Variants in SLC8A1 observed in about 807,000 individuals in gnomAD.
SLC8A1 encodes solute carrier family 8 member A1.
Under a neutral mutation model 68.3 loss-of-function variants are expected in SLC8A1, and 18 were observed. The observed-to-expected ratio is 0.26, with a 90% CI of 0.18 to 0.39. The LOEUF (loss-of-function observed/expected upper bound fraction) is 0.39, where lower values mean the gene tolerates loss of function less well. Among genes scored for constraint, SLC8A1 ranks in the 10% least tolerant of loss-of-function variants. The probability of loss-of-function intolerance (pLI) is 1.00; values close to 1 mark genes in which losing one functional copy is unlikely to be tolerated. For synonymous variants in SLC8A1, 475 were observed against 415.5 expected (o/e 1.14, Z -1.74); for missense variants, 985 against 1,156.7 (o/e 0.85, Z 2.15).
intron 2 of SLC8A1, among the ~76,000 whole-genome samples, chr2:40,319,859 A>G (rs542529544): frequency 2.0e-5 from 3 of 152,044 alleles, no homozygotes; most frequent in South Asian, 4.2e-4. Flanking sequence ...ATATATCACA[A>G]TTTTGCTCCT....
chr2:40,123,644 G>T (rs576895398), intron 7 of SLC8A1, among the ~76,000 whole-genome samples: 1 of 152,150 alleles, frequency 6.6e-6, no homozygotes, highest in African/African-American at 2.4e-5. Flanking sequence ...TCAAGTTTTT[G>T]ATATTTTCAG....
intron 1 of SLC8A1, among the ~76,000 whole-genome samples, chr2:40,448,423 G>T (rs896459045): frequency 6.6e-6 from 1 of 152,206 alleles, no homozygotes; most frequent in Admixed American, 6.5e-5. Context: ...CACATTCTCA[G>T]AATCTAGTCC....
chr2:40,410,779 C>G (rs1358744436), intron 2 of SLC8A1, among the ~76,000 whole-genome samples: 1 of 152,010 alleles, frequency 6.6e-6, no homozygotes, highest in Non-Finnish European at 1.5e-5. Flanking sequence ...CATTGCATGT[C>G]ATTTTCTTAT....
chr2:40,221,828 G>T (rs1328009759), intron 2 of SLC8A1, among the ~76,000 whole-genome samples: 1 of 152,140 alleles, frequency 6.6e-6, no homozygotes, highest in Non-Finnish European at 1.5e-5. Context: ...GGATGTGAAG[G>T]ACCTCTTCAA....
At chr2:40,475,518 GATTT>G (rs944824205) in intron 1 of SLC8A1, among the ~76,000 whole-genome samples, 5 of 151,740 alleles carry the variant, frequency 3.3e-5, no homozygotes, top group African/African-American at 7.3e-5. Context: ...TAAAACTGAG[GATTT>G]ATTAAATATT....
chr2:40,272,837 T>C (rs2066212285), intron 2 of SLC8A1, among the ~76,000 whole-genome samples: 1 of 152,230 alleles, frequency 6.6e-6, no homozygotes, highest in African/African-American at 2.4e-5. Context: ...CCACAGACTC[T>C]GGCAAGTACG....
At chr2:40,201,130 A>G (rs1156542758) in intron 2 of SLC8A1, among the ~76,000 whole-genome samples, 3 of 151,852 alleles carry the variant, frequency 2.0e-5, no homozygotes, top group Non-Finnish European at 4.4e-5. Context: ...AAAGAAAAGA[A>G]AAAAGTTATC....
intron 2 of SLC8A1, among the ~76,000 whole-genome samples, chr2:40,228,861 T>A (rs1019069754): frequency 6.6e-6 from 1 of 152,116 alleles, no homozygotes; most frequent in African/African-American, 2.4e-5. Context: ...GTTAGAGAAA[T>A]TTGCAGAATG....
At chr2:40,394,201 G>C (rs986995319) in intron 2 of SLC8A1, among the ~76,000 whole-genome samples, 3 of 152,080 alleles carry the variant, frequency 2.0e-5, no homozygotes, top group Non-Finnish European at 2.9e-5. Flanking sequence ...GAGAAACCCT[G>C]CACTAACATT....
intron 7 of SLC8A1, among the ~76,000 whole-genome samples, chr2:40,127,914 A>C (rs560162841): frequency 6.6e-6 from 1 of 152,224 alleles, no homozygotes; most frequent in Non-Finnish European, 1.5e-5. Flanking sequence ...ACGGGCACTA[A>C]CGGAGTTAGT....
intron 2 of SLC8A1, among the ~76,000 whole-genome samples, chr2:40,319,142 T>C (rs2074871173): frequency 6.6e-6 from 1 of 152,098 alleles, no homozygotes; most frequent in South Asian, 2.1e-4. Context: ...GGAATGGCTT[T>C]ATTTCACCTC....
At position 40,509,811 on chromosome 2, in the gene SLC8A1, C is replaced by CT. The variant is rs562874001; in HGVS notation, c.-25+2537dup. Among the ~76,000 whole-genome samples, 584 of 126,848 alleles carry CT rather than the reference C, an allele frequency of 4.6e-3. 6 individuals are homozygous for CT. The highest frequency in any genetic ancestry group is 0.013 in the African/African-American group (420 of 32,130). 83.2% of individuals were successfully genotyped at this position (126,848 alleles called of 152,430 possible). A position where few individuals can be genotyped will look rare whatever the true frequency, so the allele number is the denominator to read the frequency against. Reference sequence around the variant, plus strand: ...TAACTATAACAAGATCATTAACAGCCTTTTTTTTGTTTTTTTTCCGGTGCA... The same window carrying CT: ...TAACTATAACAAGATCATTAACAGCCTTTTTTTTTGTTTTTTTTCCGGTGCA... On this transcript the variant is annotated intron_variant, in intron 1 of 7. Transcript: ENST00000402441.
At chr2:40,323,352 C>A (rs1378183121) in intron 2 of SLC8A1, among the ~76,000 whole-genome samples, 1 of 152,068 alleles carries the variant, frequency 6.6e-6, no homozygotes, top group African/African-American at 2.4e-5. Context: ...CCATAAAAAG[C>A]TCACAGGTCT....
At chr2:40,436,875 T>C (rs1699522716) in intron 1 of SLC8A1, among the ~76,000 whole-genome samples, 1 of 152,158 alleles carries the variant, frequency 6.6e-6, no homozygotes, top group Non-Finnish European at 1.5e-5. Context: ...CATGTGAAGT[T>C]AGCCAGGTTT....
intron 2 of SLC8A1, among the ~76,000 whole-genome samples, chr2:40,217,341 G>A (rs1207330244): frequency 1.3e-5 from 2 of 152,090 alleles, no homozygotes; most frequent in African/African-American, 2.4e-5. Flanking sequence ...TTGTTCCATT[G>A]GTTTATATAT....
At chr2:40,124,861 G>C (rs967202636) in intron 7 of SLC8A1, among the ~76,000 whole-genome samples, 9 of 152,184 alleles carry the variant, frequency 5.9e-5, no homozygotes, top group Admixed American at 5.9e-4. Context: ...GAGAAAGCAG[G>C]TTATGTAACT....
intron 7 of SLC8A1, among the ~76,000 whole-genome samples, chr2:40,125,942 G>A (rs933936016): frequency 8.5e-5 from 13 of 152,074 alleles, no homozygotes; most frequent in African/African-American, 1.4e-4. Context: ...TTCAGAGCAC[G>A]TCCATGAATG....
At chr2:40,464,248 CAG>C (rs1170184522) in intron 1 of SLC8A1, among the ~76,000 whole-genome samples, 8 of 152,128 alleles carry the variant, frequency 5.3e-5, no homozygotes, top group African/African-American at 1.7e-4. Flanking sequence ...CAGATAGGTT[CAG>C]AGAGATTCCC....
chr2:40,374,445 T>G (rs1679148275), intron 2 of SLC8A1, among the ~76,000 whole-genome samples: 1 of 151,840 alleles, frequency 6.6e-6, no homozygotes, highest in African/African-American at 2.4e-5. Flanking sequence ...GGAAAGGACT[T>G]AAGGCTATTC....
Sources: gnomAD v4.1 joint callset for allele counts (sites outside exome capture counted in the v4.1 genomes callset) on GRCh38, gnomAD v4.1.1 for gene constraint, MANE v1.5 for transcripts, NCBI Gene and HGNC (gene_info 2026-07-23, HGNC 2026-07-21) for gene names.